The following MAN1C1 variants were observed in gnomAD, a reference collection of about 807,000 sequenced individuals.
MAN1C1 encodes mannosyl-oligosaccharide 1,2-alpha-mannosidase IC.
A neutral mutation model predicts 71.5 loss-of-function variants in MAN1C1; 49 were observed. The observed-to-expected ratio is 0.69, with a 90% CI of 0.54 to 0.87. The LOEUF (loss-of-function observed/expected upper bound fraction) is 0.87, where lower values mean the gene tolerates loss of function less well. Among genes scored for constraint, MAN1C1 ranks in the 40% least tolerant of loss-of-function variants. The pLI, the probability that MAN1C1 is intolerant of heterozygous loss-of-function variation, is 0.00. For missense variants in MAN1C1, 743 were observed against 835.0 expected, an observed-to-expected ratio of 0.89 and a Z score of 1.36; for synonymous variants, 352 against 343.7, an observed-to-expected ratio of 1.02 and a Z score of -0.27.
At chr1:25,749,866 C>T (rs1341176860) in intron 4 of MAN1C1, among the ~76,000 whole-genome samples, 5 of 152,242 alleles carry the variant, frequency 3.3e-5, no homozygotes, top group Non-Finnish European at 7.3e-5. Flanking sequence ...CCTCCTGGGC[C>T]AACCACCAGC....
In MAN1C1 at chr1:25,780,949, T is replaced by A. The variant is rs376670457; in HGVS notation, c.1487T>A (p.Leu496His). Reference protein sequence around the residue: ...HESYARSDTKLGPEAFWFNSG... With the variant: ...HESYARSDTKHGPEAFWFNSG... ...TTGGCTGTTTCCCCAGACACCAAAC[T>A]TGGGCCTGAGGCCTTCTGGTTTAAC... The change falls in exon 10 of 12, where the codon CTT (leucine) becomes CAT (histidine). Residue 496 changes from leucine to histidine, a missense_variant. By Grantham distance (99) the Leu-to-His change is moderately conservative (BLOSUM62 -3). Coordinates refer to ENST00000374332, the MANE Select transcript of MAN1C1 (RefSeq NM_020379.4). 6 of 1,614,008 alleles carry A rather than the reference T, an allele frequency of 3.7e-6. No individual in the cohort carries two copies. The highest frequency in any genetic ancestry group is 4.2e-6 in the Non-Finnish European group (5 of 1,179,916).
intron 1 of MAN1C1, among the ~76,000 whole-genome samples, chr1:25,674,917 C>A (rs562031078): frequency 6.6e-6 from 1 of 152,030 alleles, no homozygotes; most frequent in African/African-American, 2.4e-5. Flanking sequence ...CCCATCTAGG[C>A]CAGTCAGGAG....
At chr1:25,703,900 G>C (rs2046480676) in intron 2 of MAN1C1, among the ~76,000 whole-genome samples, 1 of 152,156 alleles carries the variant, frequency 6.6e-6, no homozygotes, top group Non-Finnish European at 1.5e-5. Flanking sequence ...TGGATGCTTT[G>C]GGTAGGACAA....
At chr1:25,714,210 C>G (rs559590417) in intron 2 of MAN1C1, among the ~76,000 whole-genome samples, 1 of 152,292 alleles carries the variant, frequency 6.6e-6, no homozygotes, top group South Asian at 2.1e-4. Context: ...TTGCAGCAAG[C>G]AATCCATTCC....
intron 2 of MAN1C1, among the ~76,000 whole-genome samples, chr1:25,716,657 T>G (rs1324116476): frequency 6.6e-6 from 1 of 152,238 alleles, no homozygotes; most frequent in Admixed American, 6.5e-5. Context: ...ACTGCCTTCC[T>G]TTATGGAGCC....
intron 1 of MAN1C1, among the ~76,000 whole-genome samples, chr1:25,632,473 A>AT (rs1484011714): frequency 6.6e-6 from 1 of 151,214 alleles, no homozygotes; most frequent in Non-Finnish European, 1.5e-5. Context: ...CATCTTTTGT[A>AT]TTTTTTTATG....
intron 5 of MAN1C1, among the ~76,000 whole-genome samples, chr1:25,757,493 T>C (rs991011422): frequency 4.4e-5 from 2 of 45,648 alleles, no homozygotes; most frequent in African/African-American, 3.7e-4. Context: ...ATGAGGAAAC[T>C]GAGGCACGGG....
chr1:25,700,347 G>A (rs2046425209), intron 2 of MAN1C1, among the ~76,000 whole-genome samples: 1 of 152,220 alleles, frequency 6.6e-6, no homozygotes, highest in Non-Finnish European at 1.5e-5. Flanking sequence ...TGCTCCTCTT[G>A]AAATAGCACT....
chr1:25,742,855 C>A (rs1020991036), intron 2 of MAN1C1, among the ~76,000 whole-genome samples: 1 of 152,178 alleles, frequency 6.6e-6, no homozygotes, highest in Admixed American at 6.5e-5. Flanking sequence ...AAGGTCCGAA[C>A]CCTCCCAAAG....
intron 2 of MAN1C1, among the ~76,000 whole-genome samples, chr1:25,732,773 C>A (rs1363374939): frequency 1.3e-5 from 2 of 152,250 alleles, no homozygotes; most frequent in East Asian, 3.8e-4. Context: ...GGGCTCAGCT[C>A]CCTACCAGGC....
chr1:25,686,848 A>C (rs372083452), intron 2 of MAN1C1, among the ~76,000 whole-genome samples: 1 of 152,166 alleles, frequency 6.6e-6, no homozygotes, highest in East Asian at 1.9e-4. Context: ...GTTTCCGTGG[A>C]GGTTTGGAGA....
At chr1:25,686,383 T>C in intron 1 of MAN1C1, 57 bp from the exon 2 acceptor site, 2 of 1,466,356 alleles carry the variant, frequency 1.4e-6, no homozygotes, top group Non-Finnish European at 9.6e-7. Context: ...AGGCGGCCAG[T>C]GCGCACTGCC....
At chr1:25,737,630 T>C (rs1034495155) in intron 2 of MAN1C1, among the ~76,000 whole-genome samples, 35 of 152,188 alleles carry the variant, frequency 2.3e-4, no homozygotes, top group African/African-American at 8.2e-4. Flanking sequence ...CACTGCACCC[T>C]GGGATTCACA....
At chr1:25,741,675 T>C (rs557118842) in intron 2 of MAN1C1, among the ~76,000 whole-genome samples, 13 of 152,176 alleles carry the variant, frequency 8.5e-5, no homozygotes, top group South Asian at 4.2e-4. Flanking sequence ...AATGTGGACA[T>C]TGGGGCTGGG....
intron 1 of MAN1C1, among the ~76,000 whole-genome samples, chr1:25,661,624 G>A (rs1358494499): frequency 1.3e-5 from 2 of 152,168 alleles, no homozygotes; most frequent in South Asian, 2.1e-4. Context: ...CTGGGAACTC[G>A]AGACTGAGGC....
At chr1:25,657,750 G>A (rs876764) in intron 1 of MAN1C1, among the ~76,000 whole-genome samples, 7,580 of 152,252 alleles carry the variant, frequency 0.05, 629 homozygotes, top group African/African-American at 0.17. Context: ...GTCATGCCCT[G>A]TTACCCATGG....
At chr1:25,751,645 A>G (rs1446619287) in intron 4 of MAN1C1, among the ~76,000 whole-genome samples, 1 of 152,172 alleles carries the variant, frequency 6.6e-6, no homozygotes, top group Non-Finnish European at 1.5e-5. Flanking sequence ...CTATCCCCCG[A>G]GCACCTCCCT....
At chr1:25,626,966 C>T (rs1002497421) in intron 1 of MAN1C1, among the ~76,000 whole-genome samples, 1 of 152,048 alleles carries the variant, frequency 6.6e-6, no homozygotes, top group African/African-American at 2.4e-5. Flanking sequence ...TTGCCTACCC[C>T]AGGTTATGAA....
chr1:25,729,758 C>A (rs192092798), intron 2 of MAN1C1, among the ~76,000 whole-genome samples: 37 of 152,180 alleles, frequency 2.4e-4, no homozygotes, highest in African/African-American at 8.7e-4. Flanking sequence ...GATCTGCCCA[C>A]CTCGGTCTCC....
Sources: gnomAD v4.1 joint callset for allele counts (sites outside exome capture counted in the v4.1 genomes callset) on GRCh38, gnomAD v4.1.1 for gene constraint, MANE v1.5 for transcripts, NCBI Gene and HGNC (gene_info 2026-07-23, HGNC 2026-07-21) for gene names.